Variants in PCDHGB2 observed in about 807,000 individuals in gnomAD.
The protein encoded by PCDHGB2 is protocadherin gamma-B2.
In PCDHGB2, 55 loss-of-function variants were observed where a neutral mutation model predicts 59.3. The ratio of observed to expected loss-of-function variants is 0.93; its 90% CI spans 0.75 to 1.16. The LOEUF (loss-of-function observed/expected upper bound fraction) is 1.16. Ranked by LOEUF, PCDHGB2 falls within the 50% of genes most tolerant of loss-of-function variation. The pLI is 0.00. For missense variants in PCDHGB2, 1,228 were observed against 1,198.5 expected, an observed-to-expected ratio of 1.02 and a Z score of -0.36; for synonymous variants, 516 against 512.0, an observed-to-expected ratio of 1.01 and a Z score of -0.11.
intron 1 of PCDHGB2, chr5:141,375,181 C>A (rs868598149): frequency 4.3e-6 from 7 of 1,613,836 alleles, no homozygotes; most frequent in Non-Finnish European, 5.9e-6. Flanking sequence ...GAACAGTAAT[C>A]GCCCTTTTTC....
At chr5:141,384,078 A>G in intron 1 of PCDHGB2, 1 of 1,598,728 alleles carries the variant, frequency 6.3e-7, no homozygotes. Context: ...TACCTTTTAA[A>G]TTAGAAAAAT....
At chr5:141,502,907 G>C (rs1335363561) in intron 2 of PCDHGB2, among the ~76,000 whole-genome samples, 2 of 138,924 alleles carry the variant, frequency 1.4e-5, no homozygotes, top group Non-Finnish European at 3.0e-5. Context: ...CTGTTGCCAG[G>C]CTGGAGTGCA....
rs2099400874 is a variant in PCDHGB2 at position 141,476,888 on chromosome 5, C to T, written c.2422-17919C>T. On this transcript the variant is annotated intron_variant, in intron 1 of 3. Transcript: ENST00000522605. This position sits in a 1 kb window ranked among gnomAD's most constrained non-coding sequence, Gnocchi z 7.6. ...CCGGGCGCGCGTCCTGGAGGATGCA[C>T]CCTCCGGCACGCGCGTGGTACAAGT... is the stretch of plus-strand genomic sequence containing the variant. 1.2e-6 allele frequency: 2 copies of T among 1,613,964 alleles called. No homozygotes were observed. The highest frequency in any genetic ancestry group is 1.7e-6 in the Non-Finnish European group (2 of 1,180,030).
At chr5:141,404,476 C>G (rs1453332441) in intron 1 of PCDHGB2, 3 of 1,613,362 alleles carry the variant, frequency 1.9e-6, no homozygotes, top group Non-Finnish European at 2.5e-6. Context: ...TCTCTATTAA[C>G]TCAGACACTG....
At chr5:141,388,412 T>G (rs1381904129) in intron 1 of PCDHGB2, 1 of 1,613,752 alleles carries the variant, frequency 6.2e-7, no homozygotes, top group African/African-American at 1.3e-5. Context: ...GTCCCAGTGA[T>G]CATTTCTCAC....
intron 1 of PCDHGB2, chr5:141,392,664 C>CT (rs530587453): frequency 1.2e-6 from 1 of 817,260 alleles, no homozygotes; most frequent in South Asian, 2.1e-5. Flanking sequence ...ATGCCACAAA[C>CT]TAACTGCTGG....
chr5:141,407,996 TG>T, intron 1 of PCDHGB2: 1 of 872,306 alleles, frequency 1.1e-6, no homozygotes, highest in Non-Finnish European at 1.7e-6. Flanking sequence ...GCCTCTGGCC[TG>T]GGATTCCCTG....
rs373446844 is a variant in PCDHGB2, at chr5:141,486,661, G to A, written c.2422-8146G>A. The A allele has an allele frequency of 3.1e-6, 5 of 1,613,836 alleles. No individual in the cohort carries two copies. In the African/African-American group the frequency reaches 4.0e-5, roughly 13 times the overall value. On this transcript the variant is annotated intron_variant, in intron 1 of 3. Transcript: ENST00000522605. The surrounding 1 kb of genome is among the most constrained non-coding windows in gnomAD (Gnocchi z 5.0). The stretch of plus-strand genomic sequence containing the variant: ...CGCTTATCTCCTACTCACTCCTGGA[G>A]CCCAGGAATCGAGATGTATCAGCTT...
chr5:141,441,885 CA>C, intron 1 of PCDHGB2: 1 of 345,036 alleles, frequency 2.9e-6, no homozygotes. Context: ...ACCTGGTCAC[CA>C]AGGTGGTGGC....
At chr5:141,504,450 T>C (rs931613781) in intron 2 of PCDHGB2, among the ~76,000 whole-genome samples, 1 of 151,918 alleles carries the variant, frequency 6.6e-6, no homozygotes, top group Non-Finnish European at 1.5e-5. Context: ...ACTAGTGCCA[T>C]GTGGGGCAGC....
intron 1 of PCDHGB2, chr5:141,478,068 A>G (rs560968418): frequency 3.7e-6 from 6 of 1,614,134 alleles, no homozygotes; most frequent in East Asian, 4.5e-5. Flanking sequence ...ATCAAAGACA[A>G]TGGGGAGCCT....
In PCDHGB2 at chr5:141,423,241, G is replaced by T. The variant is rs1485226833; in HGVS notation, c.2421+60685G>T. The T allele has an allele frequency of 6.8e-6, 11 of 1,613,836 alleles. No individual in the cohort carries two copies. The Admixed American group carries it at 1.5e-4, about 22-fold the overall frequency. On this transcript the variant is annotated intron_variant, in intron 1 of 3. Transcript: ENST00000522605. ...GGCTGTGGCCGACAGCATCCCCGAAGTCCTGGCGGACCTCGGCAGCCTCGA... is the reference window on the plus strand; with the variant it reads ...GGCTGTGGCCGACAGCATCCCCGAATTCCTGGCGGACCTCGGCAGCCTCGA...
In PCDHGB2 at chr5:141,382,679, C is replaced by T. The variant is rs184405216; in HGVS notation, c.2421+20123C>T. On this transcript the variant is annotated intron_variant, in intron 1 of 3. Transcript: ENST00000522605. ...ACTCACAGCGCCGCTGTTCACCAAC[C>T]AGGGAAAAATGGTGCGAGAGATCCC... 912 of 439,966 alleles carry T rather than the reference C, an allele frequency of 2.1e-3. 11 individuals carry two copies. Among genetic ancestry groups the T allele is most frequent in the Non-Finnish European group, 1.1e-3 (277 of 250,538 alleles). 27.3% of individuals were successfully genotyped at this position (439,966 alleles called of 1,614,324 possible). A position where few individuals can be genotyped will look rare whatever the true frequency, so the allele number is the denominator to read the frequency against.
rs2099610288 is a variant in PCDHGB2, at chr5:141,485,252, G to A, written c.2422-9555G>A. ...GTTCCTCTTTTACCACCTGGGTTAC[G>A]TTTGTGGGCAGATCCGCTACCCGGT... On this transcript the variant is annotated intron_variant, in intron 1 of 3. Coordinates refer to ENST00000522605, the MANE Select transcript of PCDHGB2 (RefSeq NM_018923.3). This position sits in a 1 kb window ranked among gnomAD's most constrained non-coding sequence, Gnocchi z 5.7. 6.2e-7 allele frequency: 1 copy of A among 1,614,042 alleles called. No individual in the cohort carries two copies. The highest frequency in any genetic ancestry group is 1.7e-5 in the Admixed American group (1 of 60,008).
At chr5:141,415,562 CT>C in intron 1 of PCDHGB2, 3 of 1,613,960 alleles carry the variant, frequency 1.9e-6, no homozygotes, top group Non-Finnish European at 1.7e-6. Context: ...GATCCTTTGT[CT>C]TTGTTAGATG....
rs73280911 is a variant in PCDHGB2, at chr5:141,446,356, A to C, written c.2422-48451A>C. Among the ~76,000 whole-genome samples the C allele has an allele frequency of 2.0e-5, 3 of 152,188 alleles. No individual in the cohort carries two copies. In the South Asian group the frequency reaches 6.2e-4, roughly 31 times the overall value. On this transcript the variant is annotated intron_variant, in intron 1 of 3. Transcript: ENST00000522605. ...ACTGGATGGACAAAGCTACCATTTGATGAGAATGGAAGACTAAAGAATGAT... is the reference window on the plus strand; with the variant it reads ...ACTGGATGGACAAAGCTACCATTTGCTGAGAATGGAAGACTAAAGAATGAT...
Position 141,476,477 on chromosome 5 carries a change from G to C in PCDHGB2, c.2422-18330G>C. ...GGAGAACCCGCTGGAGCTGTTCAGCGTGGAAGTGGTGATCCAGGACATCAA... is the reference window on the plus strand; with the variant it reads ...GGAGAACCCGCTGGAGCTGTTCAGCCTGGAAGTGGTGATCCAGGACATCAA... On this transcript the variant is annotated intron_variant, in intron 1 of 3. Coordinates refer to ENST00000522605, the MANE Select transcript of PCDHGB2 (RefSeq NM_018923.3). The surrounding 1 kb of genome is among the most constrained non-coding windows in gnomAD (Gnocchi z 7.6). The C allele has an allele frequency of 5.0e-6, 8 of 1,614,078 alleles. No homozygotes were observed. Among genetic ancestry groups the C allele is most frequent in the Non-Finnish European group, 6.8e-6 (8 of 1,180,018 alleles).
chr5:141,363,615 G>T (rs973220215), intron 1 of PCDHGB2, among the ~76,000 whole-genome samples: 10 of 152,342 alleles, frequency 6.6e-5, no homozygotes, highest in Admixed American at 3.9e-4. Context: ...TGAGATAGTG[G>T]AGAGACTTTC....
chr5:141,362,901 G>C (rs1323871801), intron 1 of PCDHGB2, among the ~76,000 whole-genome samples: 2 of 152,148 alleles, frequency 1.3e-5, no homozygotes, highest in Non-Finnish European at 2.9e-5. Flanking sequence ...CTTCCTCTTA[G>C]AATCATAATA....
Sources: gnomAD v4.1 joint callset for allele counts (sites outside exome capture counted in the v4.1 genomes callset) on GRCh38, gnomAD v4.1.1 for gene constraint, Gnocchi (gnomAD v3.1) non-coding constraint, MANE v1.5 for transcripts, NCBI Gene and HGNC (gene_info 2026-07-23, HGNC 2026-07-21) for gene names.